The following ENOX2 variants were observed in gnomAD, a reference collection of about 807,000 sequenced individuals.
ENOX2 encodes APK1 antigen.
Under a neutral mutation model 45.0 loss-of-function variants are expected in ENOX2, and 36 were observed. That is an observed-to-expected ratio of 0.80 (90% CI 0.61 to 1.06). ENOX2 has a LOEUF of 1.06. ENOX2 is among the 50% of genes least tolerant of loss of function. The pLI is 0.00. For synonymous variants in ENOX2, 174 were observed against 152.3 expected (o/e 1.14, Z -1.05); for missense variants, 423 against 462.5 (o/e 0.91, Z 0.78).
chrX:130,885,387 A>G (rs1329074523), intron 2 of ENOX2, among the ~76,000 whole-genome samples: 1 of 111,621 alleles, frequency 9.0e-6, no homozygotes, highest in Non-Finnish European at 1.9e-5. Flanking sequence ...TTTCTTACCT[A>G]TAAAATGGAG....
intron 5 of ENOX2, among the ~76,000 whole-genome samples, chrX:130,682,467 C>A (rs945514770): frequency 4.7e-5 from 5 of 107,159 alleles, no homozygotes; most frequent in Non-Finnish European, 7.7e-5. Flanking sequence ...GCCTGTAATC[C>A]CAGCTAATTG....
At chrX:130,692,749 T>A (rs1415104077) in intron 4 of ENOX2, among the ~76,000 whole-genome samples, 8 of 108,657 alleles carry the variant, frequency 7.4e-5, no homozygotes, top group Non-Finnish European at 1.3e-4. Flanking sequence ...CCCGGCTATT[T>A]TTTTTTTTTT....
chrX:130,670,274 C>CAG (rs1298647185), intron 6 of ENOX2, 76 bp from the exon 7 acceptor site: 97 of 657,497 alleles, frequency 1.5e-4, no homozygotes, highest in Non-Finnish European at 1.7e-4. Flanking sequence ...GAGACAGAGA[C>CAG]AGAGAGAGAG....
At chrX:130,760,243 C>G (rs1261831227) in intron 3 of ENOX2, among the ~76,000 whole-genome samples, 2 of 111,362 alleles carry the variant, frequency 1.8e-5, no homozygotes, top group Non-Finnish European at 3.8e-5. Context: ...ATTTTCTATG[C>G]AGGTGATGTC....
Position 130,724,928 on chromosome X carries a change from G to A in ENOX2, c.-38-21674C>T, listed in dbSNP as rs749897504. Among the ~76,000 whole-genome samples, 100 of 111,082 alleles carry A rather than the reference G, an allele frequency of 9.0e-4. 1 individual carries two copies. The highest frequency in any genetic ancestry group is 1.1e-3 in the Non-Finnish European group (58 of 53,010). ...TTTTTCAGTATCTTTAAACTGGTAT[G>A]ACTGTCCAGTGCATATTGGCTGACT... On this transcript the variant is annotated intron_variant, in intron 3 of 14. Transcript: ENST00000394363.
At chrX:130,893,537 G>C (rs917194981) in intron 2 of ENOX2, among the ~76,000 whole-genome samples, 33 of 112,283 alleles carry the variant, frequency 2.9e-4, no homozygotes, top group African/African-American at 8.1e-4. Context: ...TAGAAAGGTA[G>C]GTTGGAGCCA....
At chrX:130,753,584 A>T (rs187629573) in intron 3 of ENOX2, among the ~76,000 whole-genome samples, 35 of 51,670 alleles carry the variant, frequency 6.8e-4, no homozygotes, top group South Asian at 1.5e-3. Context: ...CCCTCTGGCC[A>T]TTTGTCTGTC....
At chrX:130,775,020 G>A (rs1346966401) in intron 3 of ENOX2, among the ~76,000 whole-genome samples, 1 of 112,269 alleles carries the variant, frequency 8.9e-6, no homozygotes, top group Non-Finnish European at 1.9e-5. Context: ...TTTCCATTGT[G>A]TTTGTGGAGG....
At chrX:130,765,658 T>A (rs979606304) in intron 3 of ENOX2, among the ~76,000 whole-genome samples, 19 of 111,593 alleles carry the variant, frequency 1.7e-4, no homozygotes, top group African/African-American at 6.2e-4. Flanking sequence ...ATTTTTGTAT[T>A]GTGAATTGTG....
intron 3 of ENOX2, among the ~76,000 whole-genome samples, chrX:130,729,710 A>C (rs1444161983): frequency 8.9e-6 from 1 of 112,392 alleles, no homozygotes; most frequent in Non-Finnish European, 1.9e-5. Flanking sequence ...GCTCACAACA[A>C]ATTCAGAAAT....
intron 3 of ENOX2, among the ~76,000 whole-genome samples, chrX:130,737,584 T>C (rs1299245579): frequency 1.8e-5 from 2 of 112,040 alleles, no homozygotes; most frequent in Non-Finnish European, 3.8e-5. Context: ...CACTCAAAGA[T>C]AGTCATCTAA....
rs2078247593 is a variant in ENOX2 at position 130,853,337 on chromosome X, G to A, written c.-183+48347C>T. ...AAGTTAGCCGGGCGTAGTGGCGGGCGCCTGTAGTCCCAGCTACTCGGGAGG... is the reference window on the plus strand; with the variant it reads ...AAGTTAGCCGGGCGTAGTGGCGGGCACCTGTAGTCCCAGCTACTCGGGAGG... On this transcript the variant is annotated intron_variant, in intron 2 of 14. Transcript: ENST00000394363. Among the ~76,000 whole-genome samples the A allele has an allele frequency of 3.7e-5, 4 of 107,292 alleles. No homozygotes were observed. In the South Asian group the frequency reaches 1.7e-3, roughly 45 times the overall value. 93.2% of individuals were successfully genotyped at this position (107,292 alleles called of 115,157 possible).
intron 2 of ENOX2, among the ~76,000 whole-genome samples, chrX:130,785,360 T>C (rs1055580724): frequency 9.0e-6 from 1 of 110,537 alleles, no homozygotes; most frequent in East Asian, 2.8e-4. Flanking sequence ...CATTAAATTA[T>C]TATTTATAAT....
At chrX:130,702,825 T>C (rs1344698694) in intron 4 of ENOX2, among the ~76,000 whole-genome samples, 2 of 111,806 alleles carry the variant, frequency 1.8e-5, no homozygotes, top group Non-Finnish European at 3.8e-5. Flanking sequence ...TCTATAAAAT[T>C]ACACACGCTT....
At chrX:130,886,653 T>C (rs1165039741) in intron 2 of ENOX2, among the ~76,000 whole-genome samples, 5 of 111,950 alleles carry the variant, frequency 4.5e-5, no homozygotes, top group Non-Finnish European at 9.4e-5. Flanking sequence ...CACTTTTTTT[T>C]TTCTGTCAGG....
chrX:130,633,813 G>T (rs1420563559), intron 12 of ENOX2, among the ~76,000 whole-genome samples: 1 of 111,995 alleles, frequency 8.9e-6, no homozygotes, highest in Non-Finnish European at 1.9e-5. Context: ...GGCAGCTCTG[G>T]GACACTTTAG....
intron 2 of ENOX2, among the ~76,000 whole-genome samples, chrX:130,816,917 G>A (rs1276816060): frequency 9.0e-6 from 1 of 111,564 alleles, no homozygotes; most frequent in Non-Finnish European, 1.9e-5. Flanking sequence ...TAAGATCAGA[G>A]CAGAACTGAA....
chrX:130,769,662 C>G (rs372789426), intron 3 of ENOX2, among the ~76,000 whole-genome samples: 1 of 111,562 alleles, frequency 9.0e-6, no homozygotes, highest in African/African-American at 3.3e-5. Context: ...ACTCAAGTCT[C>G]GGTTTCTGCT....
rs755054465 is a variant in ENOX2 at position 130,875,383 on chromosome X, T to C, written c.-183+26301A>G. 3.6e-5 allele frequency among the ~76,000 whole-genome samples: 4 copies of C among 110,775 alleles called. No individual in the cohort carries two copies. In the South Asian group the frequency reaches 1.2e-3, roughly 32 times the overall value. Reference sequence around the variant, plus strand: ...GCAAAGTTGGAGGACTCTCATTTCCTGAGATCAAAAGAGTGTGGTACTGAC... The same window carrying C: ...GCAAAGTTGGAGGACTCTCATTTCCCGAGATCAAAAGAGTGTGGTACTGAC... On this transcript the variant is annotated intron_variant, in intron 2 of 14. Coordinates refer to ENST00000394363, the MANE Select transcript of ENOX2 (RefSeq NM_006375.4).
Sources: gnomAD v4.1 joint callset for allele counts (sites outside exome capture counted in the v4.1 genomes callset) on GRCh38, gnomAD v4.1.1 for gene constraint, MANE v1.5 for transcripts, NCBI Gene and HGNC (gene_info 2026-07-23, HGNC 2026-07-21) for gene names.